Variants in CYP4V2 observed in about 807,000 individuals in gnomAD.
CYP4V2 encodes the protein cytochrome P450 4V2.
Under a neutral mutation model 60.8 loss-of-function variants are expected in CYP4V2, and 55 were observed. The ratio of observed to expected loss-of-function variants is 0.90; its 90% CI spans 0.73 to 1.13. CYP4V2 has a LOEUF of 1.13. Ranked by LOEUF, CYP4V2 falls within the 50% of genes most tolerant of loss-of-function variation. The pLI is 0.00. For missense variants in CYP4V2, 675 were observed against 662.9 expected (o/e 1.02, Z -0.20); for synonymous variants, 239 against 236.8 (o/e 1.01, Z -0.08).
chr4:186,205,050 C>T, intron 7 of CYP4V2, 150 bp from the exon 8 acceptor site: 3 of 773,696 alleles, frequency 3.9e-6, no homozygotes, highest in East Asian at 2.7e-5. Context: ...TGTTTGTCAC[C>T]GAGGCAAGGT....
Position 186,197,902 on chromosome 4 carries a change from T to C in CYP4V2, c.674+300T>C, listed in dbSNP as rs1473287126. Among the ~76,000 whole-genome samples, 3 of 152,230 alleles carry C rather than the reference T, an allele frequency of 2.0e-5. No homozygotes were observed. In the East Asian group the frequency reaches 5.8e-4, roughly 29 times the overall value. On this transcript the variant is annotated intron_variant, in intron 5 of 10. Transcript: ENST00000378802. ...AAGATATAAACAGTTTTCTGTACCA[T>C]GATAATTGTTATATTTAAAAATTAT...
chr4:186,195,334 C>CAGGA lies in CYP4V2; in HGVS notation c.328-668_328-665dup, dbSNP rs530024676. Among the ~76,000 whole-genome samples the CAGGA allele has an allele frequency of 3.0e-3, 462 of 152,320 alleles. 2 individuals carry two copies. Among genetic ancestry groups the CAGGA allele is most frequent in the Middle Eastern group, 0.014 (4 of 294 alleles). On this transcript the variant is annotated intron_variant, in intron 2 of 10. Transcript: ENST00000378802. The surrounding 1 kb of genome is among the most constrained non-coding windows in gnomAD (Gnocchi z 4.1). ...CAGAGAAGAGAGCAAGAAGGGCAGA[C>CAGGA]AGGATTTCTGCCGCTGTTGGCCTAG...
At chr4:186,202,884 G>A (rs952020897) in intron 7 of CYP4V2, 6 of 147,370 alleles carry the variant, frequency 4.1e-5, no homozygotes, top group Non-Finnish European at 8.9e-5. Flanking sequence ...ATGCACACAT[G>A]CATGCATACA....
rs1225524864 is a variant in CYP4V2, at chr4:186,195,139, G to A, written c.327+527G>A. On this transcript the variant is annotated intron_variant, in intron 2 of 10. Coordinates refer to ENST00000378802, the MANE Select transcript of CYP4V2 (RefSeq NM_207352.4). This position sits in a 1 kb window ranked among gnomAD's most constrained non-coding sequence, Gnocchi z 4.1. ...TTGAAAGGTCTGGGGAAATCATCTT[G>A]TAGTATGGTGAGAAAAGGATTTGGG... Among the ~76,000 whole-genome samples the A allele has an allele frequency of 3.3e-5, 5 of 152,196 alleles. No individual in the cohort carries two copies. Among genetic ancestry groups the A allele is most frequent in the East Asian group, 1.9e-4 (1 of 5,184 alleles).
At chr4:186,197,364 G>T in intron 4 of CYP4V2, 169 bp from the exon 5 acceptor site, 1 of 853,366 alleles carries the variant, frequency 1.2e-6, no homozygotes. Context: ...AACAGGAACA[G>T]GGAGTAGAAG....
chr4:186,197,743 T>A, intron 5 of CYP4V2, 141 bp downstream of exon 5: 1 of 847,970 alleles, frequency 1.2e-6, no homozygotes, highest in Admixed American at 2.1e-5. Context: ...CATGTAAGCA[T>A]GTGTTTAAGC....
intron 8 of CYP4V2, among the ~76,000 whole-genome samples, chr4:186,206,362 A>G (rs66596721): frequency 0.19 from 29,088 of 152,070 alleles, 3,300 homozygotes; most frequent in South Asian, 0.45. Flanking sequence ...CTTCTTCCAA[A>G]TAGGGTAACA....
At chr4:186,207,204 C>T (rs200545819) in intron 8 of CYP4V2, among the ~76,000 whole-genome samples, 4 of 151,978 alleles carry the variant, frequency 2.6e-5, no homozygotes, top group East Asian at 3.9e-4. Context: ...GTCAGGAGAT[C>T]GAGACCATCC....
rs191939395 is a variant in CYP4V2 at position 186,207,194 on chromosome 4, G to C, written c.1091-1671G>C. ...GAGGCCGAGGTGGGCGGATCACGAGGTCAGGAGATCGAGACCATCCTGGCT... is the reference window on the plus strand; with the variant it reads ...GAGGCCGAGGTGGGCGGATCACGAGCTCAGGAGATCGAGACCATCCTGGCT... On this transcript the variant is annotated intron_variant, in intron 8 of 10. Transcript: ENST00000378802. Among the ~76,000 whole-genome samples the C allele has an allele frequency of 3.6e-4, 54 of 152,060 alleles. 1 individual carries two copies. In the East Asian group the frequency reaches 8.3e-3, roughly 23 times the overall value.
At position 186,194,624 on chromosome 4, in the gene CYP4V2, T is replaced by G; in HGVS notation, c.327+12T>G. 6.3e-7 allele frequency: 1 copy of G among 1,595,094 alleles called. No homozygotes were observed. Among genetic ancestry groups the G allele is most frequent in the Non-Finnish European group, 8.6e-7 (1 of 1,162,908 alleles). On this transcript the variant is annotated intron_variant, in intron 2 of 10. Coordinates refer to ENST00000378802, the MANE Select transcript of CYP4V2 (RefSeq NM_207352.4). Reference sequence around the variant, plus strand: ...CAGAAAATGTGGAGGTGGGTACATGTGAATATGATCAGTATTGTACTGTGT... The same window carrying G: ...CAGAAAATGTGGAGGTGGGTACATGGGAATATGATCAGTATTGTACTGTGT...
At position 186,205,293 on chromosome 4, in the gene CYP4V2, G is replaced by T. The variant is rs374223072; in HGVS notation, c.1081G>T (p.Asp361Tyr). Residue 361 changes from aspartate to tyrosine, a missense_variant, in exon 8 of 11, where the codon GAC (aspartate) becomes TAC (tyrosine). Asp to Tyr is a radical substitution (Grantham distance 160, BLOSUM62 -3). Transcript: ENST00000378802. The stretch of plus-strand genomic sequence containing the variant: ...GAAAAAAGTGGATCATGAATTGGAT[G>T]ACGTGTTTGGTATGTTTGGCCCCTT... ...VQKKVDHELD[D>Y]VFGKSDRPAT... 9 of 1,614,086 alleles carry T rather than the reference G, an allele frequency of 5.6e-6. No individual in the cohort carries two copies. The African/African-American group carries it at 8.0e-5, about 14-fold the overall frequency.
rs573898882 is a variant in CYP4V2 at position 186,208,203 on chromosome 4, C to T, written c.1091-662C>T. Among the ~76,000 whole-genome samples, 159 of 144,022 alleles carry T rather than the reference C, an allele frequency of 1.1e-3. 5 individuals carry two copies. Among genetic ancestry groups the T allele is most frequent in the South Asian group, 9.0e-3 (39 of 4,324 alleles). The allele number at this position is 144,022 out of a possible 152,430, so 94.5% of individuals were successfully genotyped here. A position where few individuals can be genotyped will look rare whatever the true frequency, so the allele number is the denominator to read the frequency against. On this transcript the variant is annotated intron_variant, in intron 8 of 10. Transcript: ENST00000378802. The stretch of plus-strand genomic sequence containing the variant: ...TGATGGGTATTTGATGGGTATTTAG[C>T]ATCCCCTGCCTTGATCCACATGTTC...
In CYP4V2 at chr4:186,191,737, G is replaced by A; in HGVS notation, c.-87G>A. ...CGCGCCAGGTCCGCGCGGGGAAGTGGGCGGTGTGCGGCCGGCACCGCCTCG... is the reference window on the plus strand; with the variant it reads ...CGCGCCAGGTCCGCGCGGGGAAGTGAGCGGTGTGCGGCCGGCACCGCCTCG... On this transcript the variant is annotated 5_prime_UTR_variant, in exon 1 of 11. Coordinates refer to ENST00000378802, the MANE Select transcript of CYP4V2 (RefSeq NM_207352.4). The A allele has an allele frequency of 8.1e-7, 1 of 1,240,162 alleles. No homozygotes were observed. Among genetic ancestry groups the A allele is most frequent in the Non-Finnish European group, 1.0e-6 (1 of 969,806 alleles). 76.8% of individuals were successfully genotyped at this position (1,240,162 alleles called of 1,614,324 possible). A position where few individuals can be genotyped will look rare whatever the true frequency, so the allele number is the denominator to read the frequency against.
At position 186,192,044 on chromosome 4, in the gene CYP4V2, G is replaced by T. The variant is rs1461946078; in HGVS notation, c.214+7G>T. On this transcript the variant is annotated splice_region_variant and intron_variant, in intron 1 of 10. Transcript: ENST00000378802. The stretch of plus-strand genomic sequence containing the variant: ...ATGAAGCCGGACGGGCGAGGTAAGG[G>T]CCGGCGCTCCTCCTGGAGCGCAACG... The T allele has an allele frequency of 1.9e-6, 3 of 1,565,986 alleles. No individual in the cohort carries two copies. The highest frequency in any genetic ancestry group is 1.7e-6 in the Non-Finnish European group (2 of 1,161,466).
chr4:186,199,798 A>G (rs1023229468), intron 6 of CYP4V2, among the ~76,000 whole-genome samples: 1 of 152,252 alleles, frequency 6.6e-6, no homozygotes, highest in Admixed American at 6.5e-5. Context: ...ATGTGTTTTG[A>G]AAAAGCAAGA....
Position 186,213,008 on chromosome 4 carries a change from G to A in CYP4V2, c.*2367G>A, listed in dbSNP as rs1003475878. On this transcript the variant is annotated 3_prime_UTR_variant, in exon 11 of 11. Transcript: ENST00000378802. ...TTGGATAATAAAAGTTGTATTTGTGGAAATTGGTATTATCTCTGTTTTATG... is the reference window on the plus strand; with the variant it reads ...TTGGATAATAAAAGTTGTATTTGTGAAAATTGGTATTATCTCTGTTTTATG... 3 of 152,170 alleles carry A rather than the reference G, an allele frequency of 2.0e-5. No homozygotes were observed. Among genetic ancestry groups the A allele is most frequent in the Non-Finnish European group, 4.4e-5 (3 of 68,016 alleles). 9.4% of individuals were successfully genotyped at this position (152,170 alleles called of 1,614,324 possible). A position where few individuals can be genotyped will look rare whatever the true frequency, so the allele number is the denominator to read the frequency against.
intron 5 of CYP4V2, among the ~76,000 whole-genome samples, chr4:186,198,587 G>A (rs1466968200): frequency 6.6e-6 from 1 of 152,176 alleles, no homozygotes; most frequent in Non-Finnish European, 1.5e-5. Context: ...TGTCACTCCA[G>A]AGGAGTGGTC....
Position 186,212,878 on chromosome 4 carries a change from A to C in CYP4V2, c.*2237A>C, listed in dbSNP as rs1736773555. 6.6e-6 allele frequency: 1 copy of C among 152,230 alleles called. No homozygotes were observed. The allele number at this position is 152,230 out of a possible 1,614,324, so 9.4% of individuals were successfully genotyped here. Reference sequence around the variant, plus strand: ...CTACAACCCAGGCCCTAAGTTGATGAAGAAAAAGTCAAGGAAGGAGGTGAT... The same window carrying C: ...CTACAACCCAGGCCCTAAGTTGATGCAGAAAAAGTCAAGGAAGGAGGTGAT... On this transcript the variant is annotated 3_prime_UTR_variant, in exon 11 of 11. Coordinates refer to ENST00000378802, the MANE Select transcript of CYP4V2 (RefSeq NM_207352.4).
rs143397687 is a variant in CYP4V2 at position 186,209,434 on chromosome 4, A to G, written c.1405+162A>G. Among the ~76,000 whole-genome samples the G allele has an allele frequency of 3.4e-3, 518 of 152,300 alleles. 2 individuals are homozygous for G. Among genetic ancestry groups the G allele is most frequent in the African/African-American group, 0.012 (489 of 41,570 alleles). ...CCTCACTGTGCTTTGTAGTTTTAAAATATTACGGTCAAAAGGTATATTAGT... is the reference window on the plus strand; with the variant it reads ...CCTCACTGTGCTTTGTAGTTTTAAAGTATTACGGTCAAAAGGTATATTAGT... On this transcript the variant is annotated intron_variant, in intron 10 of 10. Coordinates refer to ENST00000378802, the MANE Select transcript of CYP4V2 (RefSeq NM_207352.4).
Sources: gnomAD v4.1 joint callset for allele counts (sites outside exome capture counted in the v4.1 genomes callset) on GRCh38, gnomAD v4.1.1 for gene constraint, Gnocchi (gnomAD v3.1) non-coding constraint, MANE v1.5 for transcripts, NCBI Gene and HGNC (gene_info 2026-07-23, HGNC 2026-07-21) for gene names.